The following QTGAL variants were observed in gnomAD, a reference collection of about 807,000 sequenced individuals.
The protein encoded by QTGAL is queuosine-tRNA galactosyltransferase.
At chr17:83,005,488 T>C in the QTGAL span, 39 of 670,720 alleles carry the variant, frequency 5.8e-5, no homozygotes, top group East Asian at 5.7e-4. The surrounding 1 kb of genome is among the most constrained non-coding windows in gnomAD (Gnocchi z 5.6). Context: ...CTGGGCTGGA[T>C]TGAGAATATG....
At chr17:82,959,939 C>A in the QTGAL span, among the ~76,000 whole-genome samples, 1 of 152,168 alleles carries the variant, frequency 6.6e-6, no homozygotes, top group African/African-American at 2.4e-5. Context: ...GCGCCCTATG[C>A]CTCTCTTTTT....
the QTGAL span, chr17:83,005,150 T>G: frequency 6.2e-7 from 1 of 1,609,990 alleles, no homozygotes; most frequent in Middle Eastern, 1.7e-4. This position sits in a 1 kb window ranked among gnomAD's most constrained non-coding sequence, Gnocchi z 5.6. Flanking sequence ...AGCTGGTTGA[T>G]CCAACGTGTG....
chr17:82,947,100 C>T, the QTGAL span: 3 of 809,414 alleles, frequency 3.7e-6, no homozygotes, highest in South Asian at 3.4e-5. Context: ...AAGTGTTCTG[C>T]TCCTCTGCTA....
At chr17:82,956,605 C>A in the QTGAL span, 1 of 1,374,528 alleles carries the variant, frequency 7.3e-7, no homozygotes, top group Non-Finnish European at 9.8e-7. This position sits in a 1 kb window ranked among gnomAD's most constrained non-coding sequence, Gnocchi z 5.7. Flanking sequence ...TCATCCCAGG[C>A]CACACAGTCA....
the QTGAL span, among the ~76,000 whole-genome samples, chr17:82,958,867 G>C: frequency 2.6e-5 from 1 of 38,404 alleles, no homozygotes; most frequent in Non-Finnish European, 6.0e-5. Flanking sequence ...TATGGTGTGT[G>C]TGTGTGTGTA....
chr17:82,982,437 G>C, the QTGAL span, among the ~76,000 whole-genome samples: 12 of 120,746 alleles, frequency 9.9e-5, no homozygotes, highest in East Asian at 1.7e-3. Flanking sequence ...AACAAAACCA[G>C]TAATGTAATT....
At chr17:82,956,941 T>C in the QTGAL span, 1 of 968,388 alleles carries the variant, frequency 1.0e-6, no homozygotes, top group Non-Finnish European at 1.6e-6. The surrounding 1 kb of genome is among the most constrained non-coding windows in gnomAD (Gnocchi z 5.7). Flanking sequence ...GGAACCCGGC[T>C]CCCGCCACCC....
chr17:83,002,807 C>T, the QTGAL span, among the ~76,000 whole-genome samples: 1 of 152,178 alleles, frequency 6.6e-6, no homozygotes, highest in African/African-American at 2.4e-5. Context: ...GACACGGAGA[C>T]GCTGAAACAC....
chr17:82,973,082 T>G, the QTGAL span, among the ~76,000 whole-genome samples: 1 of 152,214 alleles, frequency 6.6e-6, no homozygotes. Flanking sequence ...GACAGGGCCA[T>G]GTGCACAGCC....
At chr17:82,986,710 C>T in the QTGAL span, among the ~76,000 whole-genome samples, 4 of 152,238 alleles carry the variant, frequency 2.6e-5, no homozygotes, top group Non-Finnish European at 4.4e-5. Context: ...ACAGCACCAA[C>T]GTTAGAAGCC....
chr17:82,974,765 C>T, the QTGAL span, among the ~76,000 whole-genome samples: 10 of 152,302 alleles, frequency 6.6e-5, no homozygotes, highest in East Asian at 1.9e-3. Flanking sequence ...GGGTCCCCCC[C>T]ACAGCTTGGA....
chr17:83,051,079 G>C, the QTGAL span, among the ~76,000 whole-genome samples: 3 of 150,136 alleles, frequency 2.0e-5, no homozygotes, highest in Admixed American at 6.6e-5. Flanking sequence ...TGGGGTGCGG[G>C]AGCGAGGCAG....
chr17:82,956,850 C>G, the QTGAL span: 2 of 1,473,400 alleles, frequency 1.4e-6, no homozygotes, highest in Non-Finnish European at 1.9e-6. The surrounding 1 kb of genome is among the most constrained non-coding windows in gnomAD (Gnocchi z 5.7). Flanking sequence ...CACGCAGCCA[C>G]CAAGTTGGCT....
At chr17:82,997,185 C>T in the QTGAL span, among the ~76,000 whole-genome samples, 1 of 152,124 alleles carries the variant, frequency 6.6e-6, no homozygotes, top group Non-Finnish European at 1.5e-5. Flanking sequence ...ATACAGAGCT[C>T]AAACAACTCT....
At chr17:83,038,737 T>C in the QTGAL span, among the ~76,000 whole-genome samples, 7 of 152,142 alleles carry the variant, frequency 4.6e-5, no homozygotes, top group Non-Finnish European at 8.8e-5. Flanking sequence ...CGGGCTCCTG[T>C]AGTCCCAGCT....
chr17:83,003,210 C>T, the QTGAL span, among the ~76,000 whole-genome samples: 4 of 45,518 alleles, frequency 8.8e-5, no homozygotes, highest in African/African-American at 1.3e-4. Flanking sequence ...ATTCCTGAGC[C>T]CGCCCTCCCA....
chr17:82,983,824 C>T, the QTGAL span, among the ~76,000 whole-genome samples: 1 of 152,198 alleles, frequency 6.6e-6, no homozygotes, highest in Non-Finnish European at 1.5e-5. Flanking sequence ...CCCTAACTCC[C>T]AATGTGACTG....
chr17:82,960,192 C>T, the QTGAL span, among the ~76,000 whole-genome samples: 1 of 152,168 alleles, frequency 6.6e-6, no homozygotes, highest in Non-Finnish European at 1.5e-5. Flanking sequence ...CGTGGCCCTC[C>T]TGCCAACCCC....
the QTGAL span, among the ~76,000 whole-genome samples, chr17:83,002,712 A>G: frequency 6.6e-6 from 1 of 152,204 alleles, no homozygotes; most frequent in Non-Finnish European, 1.5e-5. Flanking sequence ...CCAGTCTCAC[A>G]GAAGCACAGT....
Sources: gnomAD v4.1 joint callset for allele counts (sites outside exome capture counted in the v4.1 genomes callset) on GRCh38, gnomAD v4.1.1 for gene constraint, Gnocchi (gnomAD v3.1) non-coding constraint, MANE v1.5 for transcripts, NCBI Gene and HGNC (gene_info 2026-07-23, HGNC 2026-07-21) for gene names.